Variants in NADK observed in about 807,000 individuals in gnomAD.
The protein encoded by NADK is NAD kinase, also known as poly(P)/ATP NAD kinase.
A neutral mutation model predicts 49.8 loss-of-function variants in NADK; 22 were observed. The observed-to-expected ratio is 0.44, with a 90% confidence interval of 0.32 to 0.63. The LOEUF (loss-of-function observed/expected upper bound fraction) is 0.63, where lower values mean the gene tolerates loss of function less well. Among genes scored for constraint, NADK ranks in the 30% least tolerant of loss-of-function variants. The pLI, the probability that NADK is intolerant of heterozygous loss-of-function variation, is 0.06. For synonymous variants in NADK, 268 were observed against 253.7 expected, an observed-to-expected ratio of 1.06 and a Z score of -0.54; for missense variants, 438 against 609.4, an observed-to-expected ratio of 0.72 and a Z score of 2.96.
Position 1,773,585 on chromosome 1 carries a change from T to A in NADK, c.-41+4704A>T, listed in dbSNP as rs1294567530. 2.0e-5 allele frequency among the ~76,000 whole-genome samples: 3 copies of A among 151,648 alleles called. No individual in the cohort carries two copies. In the East Asian group the frequency reaches 5.8e-4, roughly 29 times the overall value. On this transcript the variant is annotated intron_variant, in intron 1 of 11. Coordinates refer to ENST00000341426, the MANE Select transcript of NADK (RefSeq NM_023018.5). ...GGGCAACACAGCAAGACCCCGTCTC[T>A]ACAAAAACATTAATAAAAAATAAAC...
chr1:1,772,365 T>C (rs1288341729), intron 1 of NADK, among the ~76,000 whole-genome samples: 5 of 152,054 alleles, frequency 3.3e-5, no homozygotes, highest in Non-Finnish European at 5.9e-5. Context: ...GGTTTTGCCA[T>C]GTTGCCCAGG....
At chr1:1,779,699 G>C (rs1646316103), upstream of NADK, among the ~76,000 whole-genome samples, 1 of 151,058 alleles carries the variant, frequency 6.6e-6, no homozygotes, top group Non-Finnish European at 1.5e-5. Flanking sequence ...GTGTAGAGAT[G>C]AGGTTTTACC....
At chr1:1,769,960 C>T (rs769510170) in intron 1 of NADK, among the ~76,000 whole-genome samples, 1 of 149,658 alleles carries the variant, frequency 6.7e-6, no homozygotes, top group Non-Finnish European at 1.5e-5. Flanking sequence ...TGCCTGTAAT[C>T]CCAGCACTCA....
At chr1:1,761,364 G>C (rs978945153) in intron 3 of NADK, among the ~76,000 whole-genome samples, 3 of 152,154 alleles carry the variant, frequency 2.0e-5, no homozygotes, top group Non-Finnish European at 4.4e-5. Flanking sequence ...GGGCCCAAGT[G>C]ATCTGCCTGC....
rs533975155 is a variant in NADK, at chr1:1,770,349, G to A, written c.-40-4903C>T. 2.2e-4 allele frequency among the ~76,000 whole-genome samples: 34 copies of A among 152,310 alleles called. No homozygotes were observed. The South Asian group carries it at 3.3e-3, about 15-fold the overall frequency. On this transcript the variant is annotated intron_variant, in intron 1 of 11. Transcript: ENST00000341426. Reference sequence around the variant, plus strand: ...TACAGTGACAGAAAAGGTTTGGCATGAAATGTAGGTCTGTTAAACAAAATA... The same window carrying A: ...TACAGTGACAGAAAAGGTTTGGCATAAAATGTAGGTCTGTTAAACAAAATA...
At chr1:1,755,329 C>A (rs761949093) in intron 7 of NADK, 45 bp downstream of exon 7, 1 of 1,367,134 alleles carries the variant, frequency 7.3e-7, no homozygotes, top group Non-Finnish European at 1.0e-6. Flanking sequence ...GAGACAGCAG[C>A]GCCATGATCA....
chr1:1,757,148 A>ACCCCCCCCC, intron 4 of NADK, 33 bp downstream of exon 4: 12 of 859,044 alleles, frequency 1.4e-5, no homozygotes, highest in Non-Finnish European at 2.1e-5. Context: ...CTCCATGTGC[A>ACCCCCCCCC]CCCCAGGCCC....
intron 1 of NADK, among the ~76,000 whole-genome samples, chr1:1,768,857 A>T (rs188107218): frequency 2.1e-4 from 32 of 152,284 alleles, no homozygotes; most frequent in Non-Finnish European, 3.5e-4. Flanking sequence ...AAAGTTCAGG[A>T]ACTATGGACA....
intron 3 of NADK, chr1:1,759,119 C>A: frequency 6.4e-7 from 1 of 1,551,982 alleles, no homozygotes; most frequent in Admixed American, 2.0e-5. Context: ...CTGGCCTACA[C>A]CCATTCCAGC....
At position 1,754,965 on chromosome 1, in the gene NADK, G is replaced by A. The variant is rs775868989; in HGVS notation, c.689-267C>T. 12 of 458,990 alleles carry A rather than the reference G, an allele frequency of 2.6e-5. No individual in the cohort carries two copies. Among genetic ancestry groups the A allele is most frequent in the South Asian group, 2.5e-4 (9 of 36,530 alleles). 28.4% of individuals were successfully genotyped at this position (458,990 alleles called of 1,614,324 possible). The stretch of plus-strand genomic sequence containing the variant: ...GCCTCCCAAGTAGCTGGAACTACGG[G>A]TGCGCACCACCACGCCCAGCTAATT... On this transcript the variant is annotated intron_variant, in intron 7 of 11. Transcript: ENST00000341426. The surrounding 1 kb of genome is among the most constrained non-coding windows in gnomAD (Gnocchi z 4.3).
intron 2 of NADK, among the ~76,000 whole-genome samples, chr1:1,763,219 T>C (rs993261484): frequency 2.0e-5 from 3 of 152,252 alleles, no homozygotes; most frequent in African/African-American, 7.2e-5. Context: ...GTGCAGTGAC[T>C]CACGCCTGTA....
chr1:1,779,526 C>T (rs1401996386), upstream of NADK, among the ~76,000 whole-genome samples: 1 of 152,128 alleles, frequency 6.6e-6, no homozygotes, highest in Non-Finnish European at 1.5e-5. Context: ...TCCCCCAGGC[C>T]GGAGTCCAGT....
At chr1:1,780,091 C>T (rs1302492045), upstream of NADK, 2 of 152,208 alleles carry the variant, frequency 1.3e-5, no homozygotes, top group South Asian at 2.1e-4. Context: ...TAACTTCTCC[C>T]GGGGTTATTT....
intron 1 of NADK, among the ~76,000 whole-genome samples, chr1:1,770,940 TG>T (rs1646028323): frequency 6.7e-6 from 1 of 150,190 alleles, no homozygotes. Context: ...CCCAGCTATT[TG>T]GGAGGCTGAG....
intron 1 of NADK, among the ~76,000 whole-genome samples, chr1:1,766,654 T>C (rs959897706): frequency 1.3e-5 from 2 of 151,512 alleles, no homozygotes; most frequent in African/African-American, 4.8e-5. Flanking sequence ...CTGGTGAGGA[T>C]AGAAAACCTC....
intron 6 of NADK, 23 bp from the exon 7 acceptor site, chr1:1,755,499 C>T (rs900667553): frequency 6.3e-6 from 10 of 1,589,402 alleles, no homozygotes; most frequent in East Asian, 4.5e-5. Flanking sequence ...GGAGAGGTCA[C>T]TCAGTGCCCA....
Position 1,757,121 on chromosome 1 carries a change from G to C in NADK, c.393+60C>G, listed in dbSNP as rs766568327. On this transcript the variant is annotated intron_variant, in intron 4 of 11. Coordinates refer to ENST00000341426, the MANE Select transcript of NADK (RefSeq NM_023018.5). ...CATGGTCTCACGGGGCGGTGATGTG[G>C]ATGGAGGCCCCCCCAACTCCATGTG... The C allele has an allele frequency of 7.4e-5, 114 of 1,545,546 alleles. No homozygotes were observed. The Admixed American group carries it at 8.4e-4, about 11-fold the overall frequency.
chr1:1,774,440 T>C (rs1570588216), intron 1 of NADK, among the ~76,000 whole-genome samples: 2 of 152,134 alleles, frequency 1.3e-5, no homozygotes, highest in East Asian at 3.9e-4. Flanking sequence ...TTCTCCAACA[T>C]GGAGGGGTTT....
At chr1:1,757,734 T>G (rs1009947144) in intron 3 of NADK, among the ~76,000 whole-genome samples, 1 of 152,142 alleles carries the variant, frequency 6.6e-6, no homozygotes, top group Non-Finnish European at 1.5e-5. Context: ...CCCAAACCAG[T>G]TGACATGGTG....
Sources: allele counts gnomAD v4.1 joint callset (sites outside exome capture counted in the v4.1 genomes callset), GRCh38; gene constraint gnomAD v4.1.1; non-coding constraint Gnocchi (gnomAD v3.1); transcripts MANE v1.5; gene names NCBI Gene and HGNC (gene_info 2026-07-23, HGNC 2026-07-21).